Variants in INPP5F observed in about 807,000 individuals in gnomAD.
INPP5F encodes the protein inositol polyphosphate-5-phosphatase F.
Under a neutral mutation model 137.2 loss-of-function variants are expected in INPP5F, and 97 were observed. The ratio of observed to expected loss-of-function variants is 0.71; its 90% CI spans 0.60 to 0.84. INPP5F has a LOEUF of 0.84. INPP5F is among the 40% of genes least tolerant of loss of function. The probability of loss-of-function intolerance (pLI) is 0.00; values close to 1 mark genes in which losing one functional copy is unlikely to be tolerated. For missense variants in INPP5F, 1,271 were observed against 1,371.9 expected, an observed-to-expected ratio of 0.93 and a Z score of 1.16; for synonymous variants, 504 against 476.9, an observed-to-expected ratio of 1.06 and a Z score of -0.74.
intron 1 of INPP5F, among the ~76,000 whole-genome samples, chr10:119,743,212 G>A (rs1355837347): frequency 1.3e-5 from 2 of 152,168 alleles, no homozygotes; most frequent in East Asian, 3.9e-4. Flanking sequence ...ACTTTAAGTA[G>A]TAAATCCTTC....
chr10:119,760,307 C>T (rs538497226), intron 2 of INPP5F, among the ~76,000 whole-genome samples: 27 of 152,220 alleles, frequency 1.8e-4, no homozygotes, highest in Non-Finnish European at 2.9e-4. Flanking sequence ...GGTGCAGTGG[C>T]GCGTGCCTGT....
At chr10:119,759,090 G>A (rs560243239) in intron 2 of INPP5F, among the ~76,000 whole-genome samples, 2 of 152,338 alleles carry the variant, frequency 1.3e-5, no homozygotes, top group African/African-American at 4.8e-5. Flanking sequence ...ATCCTCTGCT[G>A]GAGGCTGGGT....
chr10:119,731,025 G>T (rs1274195817), intron 1 of INPP5F, among the ~76,000 whole-genome samples: 3 of 151,972 alleles, frequency 2.0e-5, no homozygotes, highest in Non-Finnish European at 2.9e-5. Flanking sequence ...TTGACCTCGT[G>T]ATCCGCCCGC....
rs1589741973 is a variant in INPP5F at position 119,809,982 on chromosome 10, C to T, written c.1570-118C>T. 6 of 661,972 alleles carry T rather than the reference C, an allele frequency of 9.1e-6. No homozygotes were observed. In the Admixed American group the frequency reaches 1.3e-4, roughly 14 times the overall value. 41.0% of individuals were successfully genotyped at this position (661,972 alleles called of 1,614,324 possible). A position where few individuals can be genotyped will look rare whatever the true frequency, so the allele number is the denominator to read the frequency against. On this transcript the variant is annotated intron_variant, in intron 13 of 19. Coordinates refer to ENST00000650623, the MANE Select transcript of INPP5F (RefSeq NM_014937.4). ...TATACTATTTGAAAATTATAGAAGT[C>T]AGACCTTGGAAATTATAAAAGCCTG...
At chr10:119,810,358 A>G (rs2134255849) in intron 14 of INPP5F, 141 bp downstream of exon 14, 4 of 497,860 alleles carry the variant, frequency 8.0e-6, no homozygotes, top group East Asian at 3.3e-5. Context: ...CAATATATCA[A>G]ATTCAAATTT....
intron 1 of INPP5F, among the ~76,000 whole-genome samples, chr10:119,745,368 G>A (rs570577086): frequency 7.1e-6 from 1 of 141,316 alleles, no homozygotes; most frequent in Non-Finnish European, 1.5e-5. Flanking sequence ...TTTTTTTCTC[G>A]ATCTCTTTTT....
intron 2 of INPP5F, among the ~76,000 whole-genome samples, chr10:119,774,760 A>G (rs1849468280): frequency 6.6e-6 from 1 of 152,150 alleles, no homozygotes; most frequent in Non-Finnish European, 1.5e-5. Context: ...TGGCCACATC[A>G]GTGGACTCCC....
At chr10:119,820,724 C>T (rs1851526663) in intron 15 of INPP5F, 122 bp from the exon 16 acceptor site, 2 of 697,330 alleles carry the variant, frequency 2.9e-6, no homozygotes, top group Non-Finnish European at 5.3e-6. Flanking sequence ...CATTGATTAC[C>T]TTCTTCTTTT....
chr10:119,727,989 A>C lies in INPP5F; in HGVS notation c.97+1630A>C, dbSNP rs563771430. ...TGGGACTTAAGATCGTCTCCAACTC[A>C]TCTGACAACAAACTTTTCTACACCC... On this transcript the variant is annotated intron_variant, in intron 1 of 19. Coordinates refer to ENST00000650623, the MANE Select transcript of INPP5F (RefSeq NM_014937.4). 3.3e-5 allele frequency among the ~76,000 whole-genome samples: 5 copies of C among 152,348 alleles called. No individual in the cohort carries two copies. The South Asian group carries it at 8.3e-4, about 25-fold the overall frequency.
chr10:119,809,124 G>C (rs1850921292), intron 13 of INPP5F, among the ~76,000 whole-genome samples: 1 of 152,036 alleles, frequency 6.6e-6, no homozygotes, highest in East Asian at 1.9e-4. Context: ...TCACTCAGAT[G>C]GCTGAGGTGT....
At chr10:119,783,461 A>C (rs1261827695) in intron 3 of INPP5F, among the ~76,000 whole-genome samples, 2 of 152,198 alleles carry the variant, frequency 1.3e-5, no homozygotes, top group African/African-American at 4.8e-5. Flanking sequence ...TGGCACTCCC[A>C]GTTCTTCGGA....
chr10:119,761,723 A>G (rs1849016576), intron 2 of INPP5F, among the ~76,000 whole-genome samples: 1 of 152,174 alleles, frequency 6.6e-6, no homozygotes, highest in Non-Finnish European at 1.5e-5. Flanking sequence ...CGTTCTGTTC[A>G]CTTAAAAGTG....
Position 119,828,022 on chromosome 10 carries a change from G to T in INPP5F, c.*242G>T, listed in dbSNP as rs963287094. On this transcript the variant is annotated 3_prime_UTR_variant, in exon 20 of 20. Coordinates refer to ENST00000650623, the MANE Select transcript of INPP5F (RefSeq NM_014937.4). ...ACACTACAGAGCACTTTGCTTATTT[G>T]AAAGTAATTCAGCAACAGGTCACTT... 1 of 357,002 alleles carries T rather than the reference G, an allele frequency of 2.8e-6. No homozygotes were observed. The highest frequency in any genetic ancestry group is 2.1e-5 in the African/African-American group (1 of 47,168). The allele number at this position is 357,002 out of a possible 1,614,324, so 22.1% of individuals were successfully genotyped here.
chr10:119,726,085 G>A lies in INPP5F; in HGVS notation c.-178G>A, dbSNP rs1847872987. 2.7e-6 allele frequency: 1 copy of A among 374,638 alleles called. No homozygotes were observed. Among genetic ancestry groups the A allele is most frequent in the South Asian group, 7.2e-5 (1 of 13,812 alleles). The allele number at this position is 374,638 out of a possible 1,614,324, so 23.2% of individuals were successfully genotyped here. On this transcript the variant is annotated 5_prime_UTR_variant, in exon 1 of 20. Coordinates refer to ENST00000650623, the MANE Select transcript of INPP5F (RefSeq NM_014937.4). ...TACGGCCGCCGCTGCCGCCGCCGCT[G>A]CCGGGGCGCGTTCTCCTCCTACCGG...
At position 119,822,425 on chromosome 10, in the gene INPP5F, A is replaced by T; in HGVS notation, c.1959-6A>T. ...TCCTCTTTTAACTTCATTTCCTTTT[A>T]TCTAGTTATGATGATGAAGTTGATA... On this transcript the variant is annotated splice_polypyrimidine_tract_variant and splice_region_variant and intron_variant, in intron 16 of 19. Transcript: ENST00000650623. 6.9e-7 allele frequency: 1 copy of T among 1,441,250 alleles called. No homozygotes were observed. Among genetic ancestry groups the T allele is most frequent in the Non-Finnish European group, 9.5e-7 (1 of 1,049,156 alleles). 89.3% of individuals were successfully genotyped at this position (1,441,250 alleles called of 1,614,324 possible).
intron 1 of INPP5F, among the ~76,000 whole-genome samples, chr10:119,746,937 T>G (rs111238987): frequency 0.012 from 1,806 of 151,992 alleles, 41 homozygotes; most frequent in African/African-American, 0.042. Flanking sequence ...TATAGGCGTG[T>G]GCCAACACGT....
At chr10:119,785,284 C>CTTTTTTTTTTTTTTTT (rs1440327192) in intron 3 of INPP5F, among the ~76,000 whole-genome samples, 1 of 81,608 alleles carries the variant, frequency 1.2e-5, no homozygotes, top group African/African-American at 4.3e-5. Context: ...AACTGCCAGA[C>CTTTTTTTTTTTTTTTT]TGTTTTTTTT....
chr10:119,814,366 G>A (rs1321463009), intron 15 of INPP5F: 1 of 152,148 alleles, frequency 6.6e-6, no homozygotes, highest in East Asian at 1.9e-4. Flanking sequence ...CAACCTAGGT[G>A]ACAGAGTGAG....
At position 119,806,138 on chromosome 10, in the gene INPP5F, G is replaced by GT. The variant is rs559154491; in HGVS notation, c.1320-211dup. ...ACTTGGCAAGTCTCTCTGCACCCCA[G>GT]TTTTTTTTTTTCCTTAAGATGAGGA... On this transcript the variant is annotated intron_variant, in intron 11 of 19. Transcript: ENST00000650623. Among the ~76,000 whole-genome samples the GT allele has an allele frequency of 2.2e-3, 321 of 146,308 alleles. 2 individuals are homozygous for GT. The highest frequency in any genetic ancestry group is 5.1e-3 in the African/African-American group (204 of 40,150).
Sources: allele counts gnomAD v4.1 joint callset (sites outside exome capture counted in the v4.1 genomes callset), GRCh38; gene constraint gnomAD v4.1.1; transcripts MANE v1.5; gene names NCBI Gene and HGNC (gene_info 2026-07-23, HGNC 2026-07-21).